Variants in AFG3L2 observed in about 807,000 individuals in gnomAD.
The protein encoded by AFG3L2 is mitochondrial inner membrane m-AAA protease component AFG3L2.
A neutral mutation model predicts 94.5 loss-of-function variants in AFG3L2; 54 were observed. The observed-to-expected ratio is 0.57, with a 90% CI of 0.46 to 0.72. The LOEUF (loss-of-function observed/expected upper bound fraction) is 0.72. Among genes scored for constraint, AFG3L2 ranks in the 30% least tolerant of loss-of-function variants. The pLI is 0.00. For missense variants in AFG3L2, 754 were observed against 994.9 expected (o/e 0.76, Z 3.26); for synonymous variants, 377 against 365.5 (o/e 1.03, Z -0.36).
intron 1 of AFG3L2, 21 bp downstream of exon 1, chr18:12,376,947 CG>C: frequency 7.1e-7 from 1 of 1,412,248 alleles, no homozygotes; most frequent in Non-Finnish European, 9.2e-7. Flanking sequence ...TGGAGGGCGC[CG>C]GGCGCCCAGG....
rs182024721 is a variant in AFG3L2 at position 12,340,381 on chromosome 18, G to C, written c.1800C>G (p.Gly600=). 6.2e-7 allele frequency: 1 copy of C among 1,613,964 alleles called. No individual in the cohort carries two copies. Among genetic ancestry groups the C allele is most frequent in the Non-Finnish European group, 8.5e-7 (1 of 1,179,852 alleles). Residue 600 remains glycine (G), a synonymous_variant, in exon 15 of 17, where the codon GGC becomes GGG. Transcript: ENST00000269143. Reference sequence around the variant, plus strand: ...AATACTGAGCATAACCTAGTCCTTTGCCACGTGGGATGATGGATACCTGGT... The same window carrying C: ...AATACTGAGCATAACCTAGTCCTTTCCCACGTGGGATGATGGATACCTGGT... ...PLLKVSIIPR[G]KGLGYAQYLP...
At position 12,363,294 on chromosome 18, in the gene AFG3L2, G is replaced by C. The variant is rs1908714350; in HGVS notation, c.627+488C>G. On this transcript the variant is annotated intron_variant, in intron 6 of 16. Transcript: ENST00000269143. The stretch of plus-strand genomic sequence containing the variant: ...CTGGGGTCTCTGGAAGTATATTCCA[G>C]ACTGGTTGGAGAGGAACTACAAATT... 2.0e-5 allele frequency among the ~76,000 whole-genome samples: 3 copies of C among 152,254 alleles called. No individual in the cohort carries two copies. The South Asian group carries it at 6.2e-4, about 32-fold the overall frequency.
intron 16 of AFG3L2, among the ~76,000 whole-genome samples, chr18:12,332,940 C>CATATTATATATAACATATACTATATAAT (rs1907589268): frequency 1.8e-5 from 2 of 112,202 alleles, no homozygotes; most frequent in Non-Finnish European, 3.4e-5. Context: ...TACTATATAA[C>CATATTATATATAACATATACTATATAAT]ATATAATATA....
intron 8 of AFG3L2, 80 bp downstream of exon 8, chr18:12,358,590 A>G (rs1484330484): frequency 1.3e-6 from 2 of 1,499,442 alleles, no homozygotes; most frequent in Non-Finnish European, 1.8e-6. Flanking sequence ...GCTATCTATA[A>G]TAAGTAATCA....
chr18:12,360,496 C>T (rs1186758467), intron 6 of AFG3L2, among the ~76,000 whole-genome samples: 1 of 152,144 alleles, frequency 6.6e-6, no homozygotes, highest in Non-Finnish European at 1.5e-5. Flanking sequence ...CCTTCAGATG[C>T]ATTAGTTCAT....
rs1255329449 is a variant in AFG3L2 at position 12,376,987 on chromosome 18, C to T, written c.96G>A (p.Glu32=). ...LLVPGGVGPG[E]QPCLRTLYRF... The stretch of plus-strand genomic sequence containing the variant: ...GACTCACCGTCCGGAGGCAGGGCTG[C>T]TCGCCCGGGCCCACGCCGCCAGGCA... Residue 32 remains glutamate (E), a synonymous_variant, in exon 1 of 17, where the codon GAG becomes GAA. Transcript: ENST00000269143. 4.8e-6 allele frequency: 7 copies of T among 1,460,550 alleles called. No homozygotes were observed. Among genetic ancestry groups the T allele is most frequent in the African/African-American group, 1.5e-5 (1 of 67,920 alleles). 90.5% of individuals were successfully genotyped at this position (1,460,550 alleles called of 1,614,324 possible).
chr18:12,375,055 C>CAAAAA (rs201750735), intron 1 of AFG3L2, among the ~76,000 whole-genome samples: 1 of 100,806 alleles, frequency 9.9e-6, no homozygotes, highest in Admixed American at 9.8e-5. Flanking sequence ...GACCCTGTCT[C>CAAAAA]AAAAAAAAAA....
intron 3 of AFG3L2, among the ~76,000 whole-genome samples, chr18:12,369,876 G>C (rs941097611): frequency 6.7e-6 from 1 of 149,126 alleles, no homozygotes; most frequent in African/African-American, 2.5e-5. Context: ...CTAACACAGC[G>C]AAACCCCGTC....
intron 9 of AFG3L2, among the ~76,000 whole-genome samples, chr18:12,356,041 T>C (rs749344451): frequency 5.9e-5 from 9 of 151,822 alleles, no homozygotes; most frequent in Non-Finnish European, 8.8e-5. Context: ...AATCTGTGAA[T>C]TACTAAAAGC....
At chr18:12,371,499 G>T in intron 2 of AFG3L2, 93 bp downstream of exon 2, 1 of 946,368 alleles carries the variant, frequency 1.1e-6, no homozygotes, top group Non-Finnish European at 1.7e-6. Context: ...GCTGTAATCA[G>T]ACATAAGTTG....
chr18:12,350,394 T>C (rs947823176), intron 12 of AFG3L2, among the ~76,000 whole-genome samples: 1 of 152,136 alleles, frequency 6.6e-6, no homozygotes, highest in African/African-American at 2.4e-5. Flanking sequence ...ATACGGGTGA[T>C]TTTTAGTTAA....
chr18:12,342,325 G>A (rs1313669704), intron 14 of AFG3L2: 1 of 152,150 alleles, frequency 6.6e-6, no homozygotes, highest in Non-Finnish European at 1.5e-5. Flanking sequence ...GATACCCTGT[G>A]TGTGCTTAAT....
chr18:12,340,612 T>C (rs1043700929), intron 14 of AFG3L2, among the ~76,000 whole-genome samples: 1 of 152,180 alleles, frequency 6.6e-6, no homozygotes, highest in African/African-American at 2.4e-5. Context: ...TTTCTTGAGA[T>C]TGAGATTGAG....
chr18:12,330,309 G>C (rs1455971092), intron 16 of AFG3L2, among the ~76,000 whole-genome samples: 1 of 147,216 alleles, frequency 6.8e-6, no homozygotes, highest in Non-Finnish European at 1.5e-5. Context: ...CTGGGCGACA[G>C]AGCGAGACTC....
At chr18:12,361,027 T>A (rs73401929) in intron 6 of AFG3L2, among the ~76,000 whole-genome samples, 1 of 152,194 alleles carries the variant, frequency 6.6e-6, no homozygotes, top group Non-Finnish European at 1.5e-5. Flanking sequence ...TAACCTGCAA[T>A]CATCTTTTTT....
At chr18:12,355,209 A>T (rs200269741) in intron 9 of AFG3L2, among the ~76,000 whole-genome samples, 19 of 16,740 alleles carry the variant, frequency 1.1e-3, no homozygotes, top group Admixed American at 6.1e-3. Flanking sequence ...AAAAAAAATT[A>T]AAAAAAAAAA....
rs187824634 is a variant in AFG3L2, at chr18:12,360,728, T to C, written c.628-677A>G. Among the ~76,000 whole-genome samples, 5 of 152,360 alleles carry C rather than the reference T, an allele frequency of 3.3e-5. No homozygotes were observed. The East Asian group carries it at 7.7e-4, about 23-fold the overall frequency. ...CCAATCAGCACATAATTATTTCCTA[T>C]TGTACTCGTGTCTACTGACTGAATA... is the stretch of plus-strand genomic sequence containing the variant. On this transcript the variant is annotated intron_variant, in intron 6 of 16. Transcript: ENST00000269143.
chr18:12,363,662 C>A, intron 6 of AFG3L2, 120 bp downstream of exon 6: 1 of 794,602 alleles, frequency 1.3e-6, no homozygotes. Context: ...TGCCACACTG[C>A]CCAGTTCTGA....
chr18:12,352,310 T>C (rs945519706), intron 10 of AFG3L2, among the ~76,000 whole-genome samples: 4 of 152,168 alleles, frequency 2.6e-5, no homozygotes, highest in African/African-American at 9.7e-5. Context: ...TCTACCTCCT[T>C]ATTCTGCCCC....
Sources: gnomAD v4.1 joint callset for allele counts (sites outside exome capture counted in the v4.1 genomes callset) on GRCh38, gnomAD v4.1.1 for gene constraint, MANE v1.5 for transcripts, NCBI Gene and HGNC (gene_info 2026-07-23, HGNC 2026-07-21) for gene names.